PAPOLG: variants seen among roughly 807,000 people sequenced by gnomAD.
The protein encoded by PAPOLG is PAP-gamma.
A neutral mutation model predicts 99.0 loss-of-function variants in PAPOLG; 40 were observed. The ratio of observed to expected loss-of-function variants is 0.40; its 90% CI spans 0.31 to 0.53. The LOEUF (loss-of-function observed/expected upper bound fraction) is 0.53, where lower values mean the gene tolerates loss of function less well. Among genes scored for constraint, PAPOLG ranks in the 20% least tolerant of loss-of-function variants. The probability of loss-of-function intolerance (pLI) is 0.41; values close to 1 mark genes in which losing one functional copy is unlikely to be tolerated. For synonymous variants in PAPOLG, 310 were observed against 299.3 expected (o/e 1.04, Z -0.37); for missense variants, 675 against 884.1 (o/e 0.76, Z 3.00).
chr2:60,778,278 C>G (rs1389112528), intron 8 of PAPOLG, among the ~76,000 whole-genome samples: 1 of 152,108 alleles, frequency 6.6e-6, no homozygotes, highest in Non-Finnish European at 1.5e-5. Flanking sequence ...TCCCGAGTAG[C>G]TAGAACTACA....
Position 60,797,222 on chromosome 2 carries a change from G to GT in PAPOLG, c.*68dup. ...TTTAGTGGCATAGATGCAGCCACTT[G>GT]TTTTTTAAATAGAAGTGGCTGTCAT... On this transcript the variant is annotated 3_prime_UTR_variant, in exon 22 of 22. Coordinates refer to ENST00000238714, the MANE Select transcript of PAPOLG (RefSeq NM_022894.4). 1.3e-6 allele frequency: 2 copies of GT among 1,572,090 alleles called. No individual in the cohort carries two copies. Among genetic ancestry groups the GT allele is most frequent in the Non-Finnish European group, 1.7e-6 (2 of 1,144,038 alleles).
chr2:60,763,986 A>G (rs1299057677), intron 3 of PAPOLG, among the ~76,000 whole-genome samples: 1 of 151,804 alleles, frequency 6.6e-6, no homozygotes, highest in African/African-American at 2.4e-5. Context: ...AATTTTTGGT[A>G]GAGATGGGGT....
At chr2:60,779,108 T>C (rs533004179) in intron 8 of PAPOLG, among the ~76,000 whole-genome samples, 17 of 151,482 alleles carry the variant, frequency 1.1e-4, no homozygotes, top group African/African-American at 4.1e-4. Flanking sequence ...AAAAAAAAAA[T>C]AGAAATGAAT....
Position 60,794,005 on chromosome 2 carries a change from C to G in PAPOLG, c.1803C>G (p.Pro601=), listed in dbSNP as rs867025903. Residue 601 remains proline (P), a synonymous_variant, in exon 19 of 22, where the codon CCC becomes CCG. Coordinates refer to ENST00000238714, the MANE Select transcript of PAPOLG (RefSeq NM_022894.4). ...CTACAGTAAAAACTGTATCACCCCC[C>G]ACTGTGTGTACCATTCCTACCGTAG... The part of the protein sequence containing the change: ...VDSTVKTVSP[P]TVCTIPTVVG... The G allele has an allele frequency of 6.2e-7, 1 of 1,612,242 alleles. No homozygotes were observed. Among genetic ancestry groups the G allele is most frequent in the Non-Finnish European group, 8.5e-7 (1 of 1,178,288 alleles).
chr2:60,793,205 TAA>T (rs779034834), intron 17 of PAPOLG, among the ~76,000 whole-genome samples: 23 of 45,554 alleles, frequency 5.0e-4, no homozygotes, highest in Admixed American at 4.3e-3. Context: ...ATACCATGTC[TAA>T]AAAAAAAAAA....
chr2:60,772,151 GA>G lies in PAPOLG; in HGVS notation c.604+523del, dbSNP rs374182206. Among the ~76,000 whole-genome samples, 291 of 151,998 alleles carry G rather than the reference GA, an allele frequency of 1.9e-3. 10 individuals are homozygous for G. The South Asian group carries it at 0.055, about 29-fold the overall frequency. On this transcript the variant is annotated intron_variant, in intron 7 of 21. Transcript: ENST00000238714. ...ATATTTTGTTTTGGTTAACATATAA[GA>G]ATAAAATCTGGCCGGGCGTGGTGGC...
chr2:60,792,048 C>A, intron 16 of PAPOLG, 81 bp from the exon 17 acceptor site: 1 of 1,484,364 alleles, frequency 6.7e-7, no homozygotes, highest in Non-Finnish European at 9.1e-7. Context: ...AGATAATTTG[C>A]TTAAGTGACC....
At chr2:60,757,734 T>G (rs1312293322) in intron 1 of PAPOLG, among the ~76,000 whole-genome samples, 1 of 152,236 alleles carries the variant, frequency 6.6e-6, no homozygotes, top group Non-Finnish European at 1.5e-5. Context: ...GTGAACGTTC[T>G]TTTAGGTGTC....
At chr2:60,773,328 C>T (rs1338858790) in intron 7 of PAPOLG, among the ~76,000 whole-genome samples, 1 of 152,182 alleles carries the variant, frequency 6.6e-6, no homozygotes, top group South Asian at 2.1e-4. Context: ...AATCCGCAGT[C>T]CCAGGCAACC....
intron 5 of PAPOLG, among the ~76,000 whole-genome samples, chr2:60,769,756 G>GT (rs1029487686): frequency 1.9e-4 from 29 of 151,718 alleles, no homozygotes; most frequent in Non-Finnish European, 2.8e-4. Context: ...TTTTTTGTTT[G>GT]TTTTTTTAAT....
intron 8 of PAPOLG, among the ~76,000 whole-genome samples, chr2:60,775,403 C>T (rs527766396): frequency 6.6e-6 from 1 of 152,326 alleles, no homozygotes; most frequent in African/African-American, 2.4e-5. Flanking sequence ...GATACCCTCC[C>T]TGTGGGTAAC....
chr2:60,782,487 G>A (rs1671219256), intron 11 of PAPOLG, among the ~76,000 whole-genome samples, 199 bp from the exon 12 acceptor site: 1 of 151,728 alleles, frequency 6.6e-6, no homozygotes, highest in Admixed American at 6.6e-5. Flanking sequence ...AACCCAGGAG[G>A]TAGAGGTTGC....
At chr2:60,766,869 T>C (rs937091551) in intron 3 of PAPOLG, among the ~76,000 whole-genome samples, 1 of 152,108 alleles carries the variant, frequency 6.6e-6, no homozygotes, top group African/African-American at 2.4e-5. Context: ...TAGGAACATG[T>C]CGTGGAGATT....
At chr2:60,796,899 TC>T in intron 21 of PAPOLG, 162 bp from the exon 22 acceptor site, 1 of 395,108 alleles carries the variant, frequency 2.5e-6, no homozygotes, top group East Asian at 1.6e-4. Context: ...AAGCAAGAGT[TC>T]CCTATGAACA....
intron 1 of PAPOLG, among the ~76,000 whole-genome samples, chr2:60,759,727 C>A (rs1225962733): frequency 6.6e-6 from 1 of 152,138 alleles, no homozygotes; most frequent in Admixed American, 6.5e-5. Context: ...ATTGTTTTTA[C>A]TAAAAGCTTT....
chr2:60,770,423 C>T (rs1311191647), intron 5 of PAPOLG, 35 bp from the exon 6 acceptor site: 1 of 1,554,106 alleles, frequency 6.4e-7, no homozygotes, highest in East Asian at 2.3e-5. Context: ...GAAGGGATTA[C>T]ACCTATGTGT....
chr2:60,787,535 C>T lies in PAPOLG; in HGVS notation c.1311C>T (p.Phe437=). Residue 437 remains phenylalanine, a synonymous_variant, in exon 15 of 22, where the codon TTC becomes TTT. Coordinates refer to ENST00000238714, the MANE Select transcript of PAPOLG (RefSeq NM_022894.4). ...HKDNNYVSMW[F]LGIIFRRVEN... ...GCAACAATTACGTATCAATGTGGTTCCTTGGGATAATTTTTCGGAGAGTAG... is the reference window on the plus strand; with the variant it reads ...GCAACAATTACGTATCAATGTGGTTTCTTGGGATAATTTTTCGGAGAGTAG... The T allele has an allele frequency of 6.2e-7, 1 of 1,613,752 alleles. No homozygotes were observed. The highest frequency in any genetic ancestry group is 8.5e-7 in the Non-Finnish European group (1 of 1,179,906).
Position 60,756,315 on chromosome 2 carries a change from GTGT to G in PAPOLG, c.-162_-160del. On this transcript the variant is annotated 5_prime_UTR_variant, in exon 1 of 22. Transcript: ENST00000238714. Reference sequence around the variant, plus strand: ...TGTCATAAATAGAGCCGGTTTTGTGGTGTTTTCACTACTCGGTTGGATGCCTCA... The same window carrying G: ...TGTCATAAATAGAGCCGGTTTTGTGGTTTCACTACTCGGTTGGATGCCTCA... 1.2e-6 allele frequency: 1 copy of G among 805,994 alleles called. No individual in the cohort carries two copies. Among genetic ancestry groups the G allele is most frequent in the Non-Finnish European group, 2.1e-6 (1 of 474,396 alleles). 49.9% of individuals were successfully genotyped at this position (805,994 alleles called of 1,614,324 possible).
intron 8 of PAPOLG, among the ~76,000 whole-genome samples, chr2:60,776,038 C>T (rs182171638): frequency 3.9e-5 from 6 of 152,298 alleles, no homozygotes; most frequent in Admixed American, 3.3e-4. Context: ...GCTGGGATTA[C>T]AGGCGTGAGC....
Sources: gnomAD v4.1 joint callset for allele counts (sites outside exome capture counted in the v4.1 genomes callset) on GRCh38, gnomAD v4.1.1 for gene constraint, MANE v1.5 for transcripts, NCBI Gene and HGNC (gene_info 2026-07-23, HGNC 2026-07-21) for gene names.